The following AFF3 variants were observed in gnomAD, a reference collection of about 807,000 sequenced individuals.
AFF3 encodes AF4/FMR2 family member 3.
Under a neutral mutation model 129.7 loss-of-function variants are expected in AFF3, and 32 were observed. The ratio of observed to expected loss-of-function variants is 0.25; its 90% CI spans 0.19 to 0.33. AFF3 has a LOEUF of 0.33. Ranked by LOEUF, AFF3 falls within the 10% of genes least tolerant of loss-of-function variation. The pLI is 1.00. For missense variants in AFF3, 1,373 were observed against 1,592.0 expected (o/e 0.86, Z 2.34); for synonymous variants, 644 against 635.4 (o/e 1.01, Z -0.20).
At chr2:100,031,562 G>A (rs1684496058) in intron 4 of AFF3, among the ~76,000 whole-genome samples, 1 of 152,070 alleles carries the variant, frequency 6.6e-6, no homozygotes, top group South Asian at 2.1e-4. Context: ...ATAGAACCAG[G>A]GCCACTTGGA....
chr2:99,997,138 C>G (rs952133499), intron 7 of AFF3, among the ~76,000 whole-genome samples: 1 of 152,120 alleles, frequency 6.6e-6, no homozygotes, highest in Non-Finnish European at 1.5e-5. Flanking sequence ...ATGCTCACAA[C>G]TCCCAAATCT....
At chr2:99,603,582 A>G (rs1680049178) in intron 13 of AFF3, among the ~76,000 whole-genome samples, 1 of 152,238 alleles carries the variant, frequency 6.6e-6, no homozygotes, top group African/African-American at 2.4e-5. Context: ...CAAAGATTTC[A>G]CGACAAAGAC....
At chr2:99,623,476 A>G (rs528224869) in intron 13 of AFF3, among the ~76,000 whole-genome samples, 1 of 152,260 alleles carries the variant, frequency 6.6e-6, no homozygotes, top group East Asian at 1.9e-4. Flanking sequence ...GCAATTTAGC[A>G]TGTGCAAGGA....
intron 7 of AFF3, among the ~76,000 whole-genome samples, chr2:99,925,299 C>G (rs1182490926): frequency 2.0e-5 from 3 of 152,016 alleles, no homozygotes; most frequent in African/African-American, 7.2e-5. Flanking sequence ...TTATGTCAGG[C>G]TTGACATGGA....
intron 22 of AFF3, among the ~76,000 whole-genome samples, chr2:99,556,021 G>C (rs1674884372): frequency 1.3e-5 from 2 of 152,218 alleles, no homozygotes; most frequent in Admixed American, 6.5e-5. Context: ...CTACTGGACT[G>C]ATCACTTTGT....
chr2:99,957,254 C>A (rs1676753122), intron 7 of AFF3, among the ~76,000 whole-genome samples: 1 of 152,116 alleles, frequency 6.6e-6, no homozygotes. Context: ...TCAACATAGA[C>A]CCCTGAAAAT....
chr2:99,912,008 C>G (rs1695137906), intron 7 of AFF3, among the ~76,000 whole-genome samples: 1 of 152,196 alleles, frequency 6.6e-6, no homozygotes, highest in Admixed American at 6.5e-5. Flanking sequence ...TAGAATCCAT[C>G]TACAGCCAGC....
intron 21 of AFF3, among the ~76,000 whole-genome samples, chr2:99,559,939 T>A (rs1413809523): frequency 6.6e-6 from 1 of 152,250 alleles, no homozygotes; most frequent in African/African-American, 2.4e-5. Context: ...ACCCGATCGT[T>A]CCCTTTTTTC....
At chr2:100,070,831 C>T (rs1688121896) in intron 4 of AFF3, among the ~76,000 whole-genome samples, 1 of 151,084 alleles carries the variant, frequency 6.6e-6, no homozygotes, top group African/African-American at 2.4e-5. Flanking sequence ...ATCTTTAACA[C>T]CTAAAAGATC....
At position 99,545,972 on chromosome 2, in the gene AFF3, T is replaced by G. The variant is rs1393614376; in HGVS notation, c.*5502A>C. The G allele has an allele frequency of 2.8e-5, 6 of 215,846 alleles. No homozygotes were observed. Among genetic ancestry groups the G allele is most frequent in the Non-Finnish European group, 5.6e-5 (6 of 107,166 alleles). The allele number at this position is 215,846 out of a possible 1,614,324, so 13.4% of individuals were successfully genotyped here. Reference sequence around the variant, plus strand: ...ACAAAGGGAACACAAATCTCAAGTCTGAACATTTCTTGTGCTATTTGCCAG... The same window carrying G: ...ACAAAGGGAACACAAATCTCAAGTCGGAACATTTCTTGTGCTATTTGCCAG... On this transcript the variant is annotated 3_prime_UTR_variant, in exon 25 of 25. Transcript: ENST00000672756.
At chr2:99,944,880 TATGAACCATAAGAAGCTA>T (rs1160340216) in intron 7 of AFF3, among the ~76,000 whole-genome samples, 8 of 152,206 alleles carry the variant, frequency 5.3e-5, no homozygotes, top group African/African-American at 1.9e-4. Context: ...AGAGAAAATA[TATGAACCATAAGAAGCTA>T]ATTATTGGAT....
intron 7 of AFF3, among the ~76,000 whole-genome samples, chr2:99,982,691 T>C (rs1679516965): frequency 6.6e-6 from 1 of 152,226 alleles, no homozygotes; most frequent in Non-Finnish European, 1.5e-5. Context: ...CCTCATGCTA[T>C]GGACCCAGGA....
intron 12 of AFF3, among the ~76,000 whole-genome samples, chr2:99,660,554 T>A (rs1316153331): frequency 6.6e-6 from 1 of 152,242 alleles, no homozygotes; most frequent in African/African-American, 2.4e-5. Context: ...ACGATTTATA[T>A]GTGAAAGTGC....
intron 13 of AFF3, among the ~76,000 whole-genome samples, chr2:99,645,606 G>A (rs1307729888): frequency 6.6e-6 from 1 of 152,102 alleles, no homozygotes; most frequent in Non-Finnish European, 1.5e-5. Flanking sequence ...TGCTTGCCAT[G>A]GTGATCCAGT....
At chr2:99,852,908 A>G (rs1244258706) in intron 7 of AFF3, among the ~76,000 whole-genome samples, 1 of 152,224 alleles carries the variant, frequency 6.6e-6, no homozygotes, top group Non-Finnish European at 1.5e-5. Flanking sequence ...AAGAAGCAAT[A>G]TGCAATCTCA....
intron 8 of AFF3, 83 bp from the exon 9 acceptor site, chr2:99,752,384 G>A: frequency 8.4e-7 from 1 of 1,193,222 alleles, no homozygotes; most frequent in Non-Finnish European, 1.2e-6. Flanking sequence ...TGTACAAGTG[G>A]GCCTTCATAA....
chr2:100,076,722 G>A (rs1688616892), intron 4 of AFF3, among the ~76,000 whole-genome samples: 1 of 152,122 alleles, frequency 6.6e-6, no homozygotes, highest in Non-Finnish European at 1.5e-5. Context: ...TGTGGTACAA[G>A]GGACCGGAAC....
At chr2:99,668,569 TG>T (rs1185028975) in intron 12 of AFF3, among the ~76,000 whole-genome samples, 2 of 151,948 alleles carry the variant, frequency 1.3e-5, no homozygotes, top group Non-Finnish European at 2.9e-5. Flanking sequence ...GTTTTTGTTT[TG>T]TTTTTTTTTC....
At chr2:100,080,296 A>G (rs1432436870) in intron 4 of AFF3, among the ~76,000 whole-genome samples, 1 of 152,236 alleles carries the variant, frequency 6.6e-6, no homozygotes, top group African/African-American at 2.4e-5. Flanking sequence ...TAAAGATGCT[A>G]TTATTAGTAG....
Sources: allele counts gnomAD v4.1 joint callset (sites outside exome capture counted in the v4.1 genomes callset), GRCh38; gene constraint gnomAD v4.1.1; transcripts MANE v1.5; gene names NCBI Gene and HGNC (gene_info 2026-07-23, HGNC 2026-07-21).